The following DGKG variants were observed in gnomAD, a reference collection of about 807,000 sequenced individuals.
The protein encoded by DGKG is diacylglycerol kinase gamma, also known as DAG kinase gamma.
Under a neutral mutation model 105.3 loss-of-function variants are expected in DGKG, and 78 were observed. The observed-to-expected ratio is 0.74, with a 90% CI of 0.62 to 0.89. The LOEUF (loss-of-function observed/expected upper bound fraction) is 0.89. Among genes scored for constraint, DGKG ranks in the 40% least tolerant of loss-of-function variants. DGKG has a pLI of 0.00. For synonymous variants in DGKG, 346 were observed against 367.1 expected (o/e 0.94, Z 0.66); for missense variants, 958 against 1,020.1 (o/e 0.94, Z 0.83).
chr3:186,299,841 T>TTTCTTC (rs1446531456), intron 3 of DGKG, among the ~76,000 whole-genome samples: 3 of 74,614 alleles, frequency 4.0e-5, no homozygotes, highest in Non-Finnish European at 7.6e-5. Context: ...TTCTTTCTTT[T>TTTCTTC]TTTTTTTTTT....
intron 22 of DGKG, among the ~76,000 whole-genome samples, chr3:186,169,673 T>G (rs930413411): frequency 6.6e-6 from 1 of 152,252 alleles, no homozygotes; most frequent in East Asian, 1.9e-4. Flanking sequence ...TCTCCCACTT[T>G]CACTTGTCTA....
At chr3:186,219,400 T>G (rs1408142005) in intron 20 of DGKG, among the ~76,000 whole-genome samples, 2 of 152,138 alleles carry the variant, frequency 1.3e-5, no homozygotes, top group Non-Finnish European at 2.9e-5. Context: ...CACCGAGCTG[T>G]GCATGGAATC....
chr3:186,220,132 C>A (rs1719491102), intron 20 of DGKG, among the ~76,000 whole-genome samples: 1 of 152,054 alleles, frequency 6.6e-6, no homozygotes, highest in African/African-American at 2.4e-5. Flanking sequence ...TGCTTGGTAA[C>A]CAGAGACACG....
At chr3:186,309,919 A>T (rs963283996) in intron 2 of DGKG, among the ~76,000 whole-genome samples, 4 of 152,114 alleles carry the variant, frequency 2.6e-5, no homozygotes, top group Non-Finnish European at 5.9e-5. Flanking sequence ...AATAAGAAAA[A>T]AATAGAAAAG....
At chr3:186,247,962 T>C (rs906060128) in intron 19 of DGKG, among the ~76,000 whole-genome samples, 5 of 152,050 alleles carry the variant, frequency 3.3e-5, no homozygotes, top group Non-Finnish European at 7.4e-5. Context: ...CCAGCAGGAC[T>C]TCCTTCCTTC....
intron 3 of DGKG, among the ~76,000 whole-genome samples, chr3:186,306,115 C>A (rs186835674): frequency 7.8e-4 from 118 of 152,178 alleles, no homozygotes; most frequent in African/African-American, 1.9e-3. Context: ...GCTATCTTGA[C>A]TAGTGATTTG....
intron 11 of DGKG, among the ~76,000 whole-genome samples, chr3:186,271,598 T>C (rs770275363): frequency 6.6e-6 from 1 of 152,222 alleles, no homozygotes; most frequent in Non-Finnish European, 1.5e-5. Flanking sequence ...CACATCTTTA[T>C]GTGCTTGAAG....
At chr3:186,168,123 A>G (rs1359934077) in intron 22 of DGKG, among the ~76,000 whole-genome samples, 9 of 152,234 alleles carry the variant, frequency 5.9e-5, no homozygotes, top group African/African-American at 1.7e-4. Flanking sequence ...GGAAAGTCAC[A>G]GGATGAAGAA....
intron 11 of DGKG, among the ~76,000 whole-genome samples, chr3:186,269,663 G>A (rs532968014): frequency 6.6e-6 from 1 of 152,250 alleles, no homozygotes; most frequent in East Asian, 1.9e-4. Context: ...AAGCACTCTG[G>A]GTAATTATAA....
At chr3:186,275,461 C>G in intron 10 of DGKG, 86 bp downstream of exon 10, 1 of 1,181,384 alleles carries the variant, frequency 8.5e-7, no homozygotes. Flanking sequence ...AGCAGAAATA[C>G]CAACATTTTC....
intron 16 of DGKG, among the ~76,000 whole-genome samples, chr3:186,259,720 C>T (rs543742322): frequency 3.3e-5 from 5 of 152,058 alleles, no homozygotes; most frequent in Admixed American, 6.5e-5. Flanking sequence ...AGAGGGCTCT[C>T]GAGCACCGGC....
chr3:186,229,735 C>G (rs1443480631), intron 20 of DGKG, among the ~76,000 whole-genome samples: 1 of 152,206 alleles, frequency 6.6e-6, no homozygotes, highest in Non-Finnish European at 1.5e-5. Flanking sequence ...TCCTCTCAGA[C>G]CTAGCATGAT....
At chr3:186,253,223 G>A (rs1310680038) in intron 17 of DGKG, 41 bp from the exon 18 acceptor site, 1 of 1,514,440 alleles carries the variant, frequency 6.6e-7, no homozygotes, top group African/African-American at 1.4e-5. Flanking sequence ...TATGCCATGG[G>A]ACTGTAGAAT....
intron 21 of DGKG, among the ~76,000 whole-genome samples, chr3:186,209,104 T>C (rs943117671): frequency 3.4e-5 from 5 of 147,116 alleles, no homozygotes; most frequent in African/African-American, 1.3e-4. Context: ...TTTTTTTTTT[T>C]TTTTTTTTTT....
intron 1 of DGKG, among the ~76,000 whole-genome samples, chr3:186,360,971 G>T (rs1022138391): frequency 3.9e-5 from 6 of 152,204 alleles, no homozygotes; most frequent in Non-Finnish European, 7.3e-5. Context: ...GGGAGAGCGC[G>T]CCCACGGGTT....
rs1719869677 is a variant in DGKG at position 186,226,522 on chromosome 3, C to A, written c.1827-14637G>T. Among the ~76,000 whole-genome samples the A allele has an allele frequency of 6.6e-6, 1 of 152,168 alleles. No homozygotes were observed. The highest frequency in any genetic ancestry group is 6.5e-5 in the Admixed American group (1 of 15,268). On this transcript the variant is annotated intron_variant, in intron 20 of 24. Transcript: ENST00000265022. This position sits in a 1 kb window ranked among gnomAD's most constrained non-coding sequence, Gnocchi z 4.2. The stretch of plus-strand genomic sequence containing the variant: ...GTGGTACAGAAGAGGAAAGGGGGAA[C>A]CTGACTAATTACAACACTCTGTTGA...
At chr3:186,240,770 A>G (rs1720645401) in intron 20 of DGKG, among the ~76,000 whole-genome samples, 1 of 150,918 alleles carries the variant, frequency 6.6e-6, no homozygotes. Flanking sequence ...AGATCGCGCC[A>G]CTGCACTCCA....
intron 21 of DGKG, among the ~76,000 whole-genome samples, chr3:186,197,802 C>T (rs978018011): frequency 9.2e-5 from 14 of 152,184 alleles, no homozygotes; most frequent in African/African-American, 2.7e-4. Flanking sequence ...CTGCTGTACA[C>T]GCTGCCTAAA....
At position 186,148,299 on chromosome 3, in the gene DGKG, G is replaced by C; in HGVS notation, c.*1791C>G. ...GTCCTTCTTGTGACTCTCCACTGAGGTCATCCCTGCAGCCAAGGTTGTTTC... is the reference window on the plus strand; with the variant it reads ...GTCCTTCTTGTGACTCTCCACTGAGCTCATCCCTGCAGCCAAGGTTGTTTC... On this transcript the variant is annotated 3_prime_UTR_variant, in exon 25 of 25. Transcript: ENST00000265022. 1 of 985,476 alleles carries C rather than the reference G, an allele frequency of 1.0e-6. No individual in the cohort carries two copies. Among genetic ancestry groups the C allele is most frequent in the Non-Finnish European group, 1.2e-6 (1 of 829,976 alleles). 61.0% of individuals were successfully genotyped at this position (985,476 alleles called of 1,614,324 possible).
Sources: allele counts gnomAD v4.1 joint callset (sites outside exome capture counted in the v4.1 genomes callset), GRCh38; gene constraint gnomAD v4.1.1; non-coding constraint Gnocchi (gnomAD v3.1); transcripts MANE v1.5; gene names NCBI Gene and HGNC (gene_info 2026-07-23, HGNC 2026-07-21).